PEBP4: variants seen among roughly 807,000 people sequenced by gnomAD.
PEBP4 encodes the protein phosphatidylethanolamine-binding protein 4.
In PEBP4, 22 loss-of-function variants were observed where a neutral mutation model predicts 23.9. The ratio of observed to expected loss-of-function variants is 0.92; its 90% CI spans 0.66 to 1.31. The LOEUF is 1.31. Ranked by LOEUF, PEBP4 falls within the 40% of genes most tolerant of loss-of-function variation. PEBP4 has a pLI of 0.00. For missense variants in PEBP4, 324 were observed against 281.7 expected, an observed-to-expected ratio of 1.15 and a Z score of -1.07; for synonymous variants, 112 against 99.3, an observed-to-expected ratio of 1.13 and a Z score of -0.76.
chr8:22,858,620 G>A (rs1807705043), intron 3 of PEBP4, among the ~76,000 whole-genome samples: 1 of 152,170 alleles, frequency 6.6e-6, no homozygotes, highest in Admixed American at 6.5e-5. Context: ...GAGACTTTGA[G>A]ATGACAACTG....
intron 3 of PEBP4, among the ~76,000 whole-genome samples, chr8:22,839,169 G>A (rs574335978): frequency 5.9e-5 from 9 of 151,946 alleles, no homozygotes; most frequent in South Asian, 2.1e-4. Context: ...ACACTTGTTC[G>A]GGATGACCAA....
chr8:22,774,882 C>T (rs537928588), intron 4 of PEBP4, among the ~76,000 whole-genome samples: 2 of 152,274 alleles, frequency 1.3e-5, no homozygotes, highest in South Asian at 4.1e-4. Flanking sequence ...ATGGTCTTCT[C>T]GGTCTGTTTC....
At chr8:22,826,583 A>AT (rs1462914009) in intron 3 of PEBP4, among the ~76,000 whole-genome samples, 1 of 152,242 alleles carries the variant, frequency 6.6e-6, no homozygotes, top group Non-Finnish European at 1.5e-5. Flanking sequence ...TGTAAAAAAA[A>AT]CCATGAGGAT....
intron 3 of PEBP4, among the ~76,000 whole-genome samples, chr8:22,835,064 G>A (rs751611847): frequency 1.3e-5 from 2 of 152,164 alleles, no homozygotes; most frequent in African/African-American, 4.8e-5. Context: ...GCGACCTAAC[G>A]TTGTGAAGAG....
intron 3 of PEBP4, among the ~76,000 whole-genome samples, chr8:22,911,863 CACA>C (rs1211335632): frequency 3.9e-5 from 6 of 152,318 alleles, no homozygotes; most frequent in African/African-American, 1.2e-4. Context: ...TAGATCAGCG[CACA>C]CAGTTTTTTT....
intron 3 of PEBP4, chr8:22,888,102 A>G (rs541113188): frequency 6.6e-6 from 1 of 151,556 alleles, no homozygotes; most frequent in Admixed American, 6.6e-5. Context: ...TCTTTAGGAC[A>G]TAACTTATTG....
At chr8:22,892,572 C>T (rs768508997) in intron 3 of PEBP4, among the ~76,000 whole-genome samples, 8 of 152,144 alleles carry the variant, frequency 5.3e-5, no homozygotes, top group African/African-American at 1.7e-4. Context: ...CAAGTAAACA[C>T]GGACTGACAT....
At chr8:22,739,185 G>C (rs192292901) in intron 4 of PEBP4, among the ~76,000 whole-genome samples, 1 of 140,414 alleles carries the variant, frequency 7.1e-6, no homozygotes, top group African/African-American at 2.5e-5. Context: ...GGAGGCAGTC[G>C]ACCAAGAGGC....
chr8:22,780,329 A>G (rs954895891), intron 4 of PEBP4, among the ~76,000 whole-genome samples: 3 of 152,014 alleles, frequency 2.0e-5, no homozygotes, highest in African/African-American at 7.2e-5. Flanking sequence ...GCCTGGGTCA[A>G]TTTCACTGGT....
rs765421108 is a variant in PEBP4, at chr8:22,713,555, C to A, written c.518-19G>T. The A allele has an allele frequency of 1.2e-6, 2 of 1,613,928 alleles. No homozygotes were observed. The highest frequency in any genetic ancestry group is 2.2e-5 in the South Asian group (2 of 91,076). On this transcript the variant is annotated intron_variant, in intron 6 of 6. Transcript: ENST00000256404. The stretch of plus-strand genomic sequence containing the variant: ...CAAGAGCCTGGAAGGACAAACAGAC[C>A]ACAGGGAGGCAGTGAGAAAGAGCCA...
At chr8:22,732,134 G>A (rs914335623) in intron 4 of PEBP4, among the ~76,000 whole-genome samples, 3 of 148,266 alleles carry the variant, frequency 2.0e-5, no homozygotes, top group African/African-American at 7.5e-5. Flanking sequence ...GTGTGCCTAG[G>A]AGGACATTCT....
At chr8:22,921,625 G>A (rs905611318) in intron 2 of PEBP4, among the ~76,000 whole-genome samples, 2 of 152,202 alleles carry the variant, frequency 1.3e-5, no homozygotes, top group East Asian at 1.9e-4. Flanking sequence ...GTGGGCCAGC[G>A]CCCCCAGTGC....
chr8:22,864,341 A>G (rs1312899799), intron 3 of PEBP4, among the ~76,000 whole-genome samples: 1 of 151,934 alleles, frequency 6.6e-6, no homozygotes, highest in African/African-American at 2.4e-5. Flanking sequence ...GAGGCCACCT[A>G]TTTGTATTGT....
At chr8:22,725,568 C>T (rs538655877) in intron 5 of PEBP4, among the ~76,000 whole-genome samples, 130 of 140,194 alleles carry the variant, frequency 9.3e-4, no homozygotes, top group Non-Finnish European at 1.4e-3. Flanking sequence ...TTTTTTGGGG[C>T]GGGGGAAGTG....
intron 3 of PEBP4, among the ~76,000 whole-genome samples, chr8:22,894,866 C>T (rs1309336606): frequency 2.0e-5 from 3 of 152,128 alleles, no homozygotes; most frequent in Non-Finnish European, 1.5e-5. Flanking sequence ...CCTGCTGAGC[C>T]TCCCTTTCCA....
intron 3 of PEBP4, chr8:22,878,215 A>C (rs1243550344): frequency 2.8e-5 from 3 of 108,040 alleles, no homozygotes; most frequent in Admixed American, 2.5e-4. Flanking sequence ...GAGCATGGAG[A>C]GGGAGGGGGA....
intron 3 of PEBP4, among the ~76,000 whole-genome samples, chr8:22,839,993 T>G (rs976006450): frequency 6.6e-5 from 10 of 152,248 alleles, no homozygotes; most frequent in Admixed American, 6.5e-4. Flanking sequence ...AGGAAGTGTT[T>G]TCATTTAAAA....
intron 5 of PEBP4, among the ~76,000 whole-genome samples, chr8:22,726,266 C>T (rs1398628642): frequency 3.9e-5 from 6 of 152,152 alleles, no homozygotes; most frequent in Non-Finnish European, 8.8e-5. Context: ...GGAGTCTCCT[C>T]GTGTGCTTAG....
chr8:22,848,496 T>TGTGTGA (rs1292443476), intron 3 of PEBP4, among the ~76,000 whole-genome samples: 9 of 152,168 alleles, frequency 5.9e-5, no homozygotes, highest in Non-Finnish European at 1.0e-4. Context: ...TGTGCATGTG[T>TGTGTGA]GTGTGAGTGT....
Sources: allele counts gnomAD v4.1 joint callset (sites outside exome capture counted in the v4.1 genomes callset), GRCh38; gene constraint gnomAD v4.1.1; transcripts MANE v1.5; gene names NCBI Gene and HGNC (gene_info 2026-07-23, HGNC 2026-07-21).